SAMHD1: variants seen among roughly 807,000 people sequenced by gnomAD.
SAMHD1 encodes the protein deoxynucleoside triphosphate triphosphohydrolase SAMHD1.
SAMHD1 carries 54 observed loss-of-function variants against 79.6 expected under a neutral mutation model. The observed-to-expected ratio is 0.68, with a 90% CI of 0.55 to 0.85. SAMHD1 has a LOEUF of 0.85. SAMHD1 is among the 40% of genes least tolerant of loss of function. SAMHD1 has a pLI of 0.00. For synonymous variants in SAMHD1, 260 were observed against 264.1 expected, an observed-to-expected ratio of 0.98 and a Z score of 0.15; for missense variants, 663 against 782.7, an observed-to-expected ratio of 0.85 and a Z score of 1.82.
Position 36,951,708 on chromosome 20 carries a change from T to C in SAMHD1, c.-65A>G. 1 of 1,607,686 alleles carries C rather than the reference T, an allele frequency of 6.2e-7. No individual in the cohort carries two copies. The highest frequency in any genetic ancestry group is 8.5e-7 in the Non-Finnish European group (1 of 1,179,736). On this transcript the variant is annotated 5_prime_UTR_variant, in exon 1 of 16. Transcript: ENST00000646673. The stretch of plus-strand genomic sequence containing the variant: ...GCGCCGGACCCGCGCGCAGGCGCAC[T>C]GACAGCAGGGCCCTGGCGGGGAGTC...
At chr20:36,916,649 T>C in intron 9 of SAMHD1, 73 bp downstream of exon 9, 4 of 1,049,820 alleles carry the variant, frequency 3.8e-6, no homozygotes, top group Non-Finnish European at 6.0e-6. Flanking sequence ...TTATTCCAAA[T>C]TGTTAAATGG....
At chr20:36,938,714 T>TAC (rs917035927) in intron 3 of SAMHD1, among the ~76,000 whole-genome samples, 1 of 151,588 alleles carries the variant, frequency 6.6e-6, no homozygotes, top group Non-Finnish European at 1.5e-5. Context: ...CATGCGCCTG[T>TAC]AGTCCCAGCT....
intron 10 of SAMHD1, 107 bp from the exon 11 acceptor site, chr20:36,911,440 A>T: frequency 1.3e-6 from 1 of 741,674 alleles, no homozygotes; most frequent in Admixed American, 2.0e-5. Flanking sequence ...ATAATGAGGC[A>T]CAGTGTTCTA....
At position 36,950,591 on chromosome 20, in the gene SAMHD1, A is replaced by G. The variant is rs147252121; in HGVS notation, c.208+845T>C. ...AGAATTCACAAGGATGGATGCTTGG[A>G]TACGAATCAGTAAAATATGATTAAA... On this transcript the variant is annotated intron_variant, in intron 1 of 15. Coordinates refer to ENST00000646673, the MANE Select transcript of SAMHD1 (RefSeq NM_015474.4). 3.8e-4 allele frequency among the ~76,000 whole-genome samples: 58 copies of G among 152,328 alleles called. 1 individual carries two copies. The highest frequency in any genetic ancestry group is 1.4e-3 in the African/African-American group (57 of 41,576).
chr20:36,893,166 T>C (rs1011430017), intron 15 of SAMHD1, 100 bp from the exon 16 acceptor site: 10 of 1,439,306 alleles, frequency 6.9e-6, no homozygotes, highest in East Asian at 2.3e-5. Flanking sequence ...TCATCTTGCA[T>C]ATAGATTGCT....
chr20:36,934,909 C>CT, intron 4 of SAMHD1, 120 bp downstream of exon 4: 1 of 1,041,242 alleles, frequency 9.6e-7, no homozygotes, highest in South Asian at 1.3e-5. Flanking sequence ...CCACCCACCT[C>CT]TGCCTCCCAA....
intron 1 of SAMHD1, among the ~76,000 whole-genome samples, chr20:36,951,206 G>A (rs1046693423): frequency 6.6e-6 from 1 of 152,190 alleles, no homozygotes; most frequent in Non-Finnish European, 1.5e-5. Flanking sequence ...AGTCAGTCCC[G>A]GGAGCCCCAT....
Position 36,904,225 on chromosome 20 carries a change from C to G in SAMHD1, c.1435G>C (p.Glu479Gln). Reference sequence around the variant, plus strand: ...ACTTTGGGTTTAGCACTGGCAACCTCTTTTGGAAGAGATTCATAGTCCTCC... The same window carrying G: ...ACTTTGGGTTTAGCACTGGCAACCTGTTTTGGAAGAGATTCATAGTCCTCC... ...KREDYESLPKEVASAKPKVLL... is the reference protein window; with the variant it reads ...KREDYESLPKQVASAKPKVLL... The change falls in exon 13 of 16, where the codon GAG becomes CAG. Residue 479 changes from glutamate (E) to glutamine (Q), a missense_variant. Transcript: ENST00000646673. The G allele has an allele frequency of 6.2e-7, 1 of 1,613,402 alleles. No individual in the cohort carries two copies. Among genetic ancestry groups the G allele is most frequent in the Non-Finnish European group, 8.5e-7 (1 of 1,179,392 alleles).
At chr20:36,931,517 A>G (rs1404992392) in intron 4 of SAMHD1, among the ~76,000 whole-genome samples, 1 of 152,120 alleles carries the variant, frequency 6.6e-6, no homozygotes, top group Admixed American at 6.6e-5. Context: ...GGTACCTGTA[A>G]TCCCAGCTAT....
In SAMHD1 at chr20:36,951,647, T is replaced by TAC; in HGVS notation, c.-6_-5dup. The stretch of plus-strand genomic sequence containing the variant: ...GCTCGGAATCGGCTCGCTGCATGGC[T>TAC]ACACCTGGCGTCCGGCACAGCAGTC... On this transcript the variant is annotated 5_prime_UTR_variant, in exon 1 of 16. Coordinates refer to ENST00000646673, the MANE Select transcript of SAMHD1 (RefSeq NM_015474.4). 1 of 1,613,082 alleles carries TAC rather than the reference T, an allele frequency of 6.2e-7. No individual in the cohort carries two copies. The highest frequency in any genetic ancestry group is 2.2e-5 in the East Asian group (1 of 44,874).
chr20:36,933,005 C>T (rs2146134770), intron 4 of SAMHD1, among the ~76,000 whole-genome samples: 1 of 152,198 alleles, frequency 6.6e-6, no homozygotes, highest in African/African-American at 2.4e-5. Context: ...CCAGCACTTC[C>T]ATCTGAGCCA....
rs533184730 is a variant in SAMHD1, at chr20:36,898,308, A to G, written c.1608+132T>C. On this transcript the variant is annotated intron_variant, in intron 14 of 15. Transcript: ENST00000646673. ...CTCCCAAAACACTGGGATTACAGGTATGAGCTACTGTGCCAGGCCCACTTT... is the reference window on the plus strand; with the variant it reads ...CTCCCAAAACACTGGGATTACAGGTGTGAGCTACTGTGCCAGGCCCACTTT... 112 of 747,620 alleles carry G rather than the reference A, an allele frequency of 1.5e-4. 3 individuals carry two copies. In the South Asian group the frequency reaches 1.6e-3, roughly 11 times the overall value. The allele number at this position is 747,620 out of a possible 1,614,324, so 46.3% of individuals were successfully genotyped here. A position where few individuals can be genotyped will look rare whatever the true frequency, so the allele number is the denominator to read the frequency against.
chr20:36,928,393 GA>G (rs1167685715), intron 5 of SAMHD1, among the ~76,000 whole-genome samples: 3 of 118,406 alleles, frequency 2.5e-5, no homozygotes, highest in South Asian at 2.8e-4. Flanking sequence ...CATCTCAAAA[GA>G]AAAAAAAAGG....
chr20:36,906,593 G>A lies in SAMHD1; in HGVS notation c.1271-1090C>T, dbSNP rs149625391. Among the ~76,000 whole-genome samples, 1,221 of 152,130 alleles carry A rather than the reference G, an allele frequency of 8.0e-3. 17 individuals carry two copies. The highest frequency in any genetic ancestry group is 0.028 in the African/African-American group (1,173 of 41,496). On this transcript the variant is annotated intron_variant, in intron 11 of 15. Coordinates refer to ENST00000646673, the MANE Select transcript of SAMHD1 (RefSeq NM_015474.4). ...TGTTGAAGCTAAGTGACAGGTACATGGCTTTGTAAATTTCTATAATAATAA... is the reference window on the plus strand; with the variant it reads ...TGTTGAAGCTAAGTGACAGGTACATAGCTTTGTAAATTTCTATAATAATAA...
chr20:36,946,527 C>T, intron 2 of SAMHD1: 1 of 495,136 alleles, frequency 2.0e-6, no homozygotes, highest in African/African-American at 2.0e-5. Context: ...GCAGAGGTTG[C>T]AGTGAGCCGA....
At chr20:36,951,250 G>T (rs2063731288) in intron 1 of SAMHD1, among the ~76,000 whole-genome samples, 186 bp downstream of exon 1, 1 of 152,162 alleles carries the variant, frequency 6.6e-6, no homozygotes, top group Non-Finnish European at 1.5e-5. Context: ...CCGCCGCAGG[G>T]CTCCCTCCCC....
chr20:36,917,749 T>C (rs1350080660), intron 7 of SAMHD1, among the ~76,000 whole-genome samples: 3 of 152,190 alleles, frequency 2.0e-5, no homozygotes, highest in Non-Finnish European at 4.4e-5. Context: ...GCTACATACC[T>C]AGTCTAAATA....
At chr20:36,915,316 T>C (rs536489764) in intron 9 of SAMHD1, among the ~76,000 whole-genome samples, 1 of 152,152 alleles carries the variant, frequency 6.6e-6, no homozygotes, top group African/African-American at 2.4e-5. Context: ...CCAGCCTGAG[T>C]AACACAGCAA....
chr20:36,903,380 C>T (rs1026982806), intron 13 of SAMHD1, among the ~76,000 whole-genome samples: 61 of 151,290 alleles, frequency 4.0e-4, no homozygotes, highest in African/African-American at 1.5e-3. Flanking sequence ...GCTGGGACTA[C>T]AGGCACACAC....
Sources: gnomAD v4.1 joint callset for allele counts (sites outside exome capture counted in the v4.1 genomes callset) on GRCh38, gnomAD v4.1.1 for gene constraint, MANE v1.5 for transcripts, NCBI Gene and HGNC (gene_info 2026-07-23, HGNC 2026-07-21) for gene names.